Variants in IMPG1 observed in about 807,000 individuals in gnomAD.
The protein encoded by IMPG1 is interphotoreceptor matrix proteoglycan of 150 kDa.
In IMPG1, 85 loss-of-function variants were observed where a neutral mutation model predicts 92.0. That is an observed-to-expected ratio of 0.92 (90% CI 0.78 to 1.11). IMPG1 has a LOEUF of 1.11. Ranked by LOEUF, IMPG1 falls within the 50% of genes least tolerant of loss-of-function variation. The pLI, the probability that IMPG1 is intolerant of heterozygous loss-of-function variation, is 0.00. For synonymous variants in IMPG1, 367 were observed against 334.1 expected, an observed-to-expected ratio of 1.10 and a Z score of -1.08; for missense variants, 1,022 against 956.0, an observed-to-expected ratio of 1.07 and a Z score of -0.91.
At chr6:76,040,105 C>G (rs1164787532) in intron 2 of IMPG1, among the ~76,000 whole-genome samples, 2 of 152,076 alleles carry the variant, frequency 1.3e-5, no homozygotes, top group East Asian at 3.9e-4. Context: ...GAAACCCATG[C>G]TGATGAATAG....
chr6:76,049,085 A>G (rs1783992706), intron 1 of IMPG1, among the ~76,000 whole-genome samples: 1 of 152,206 alleles, frequency 6.6e-6, no homozygotes, highest in Non-Finnish European at 1.5e-5. Context: ...ATCCTTAGCA[A>G]AGCAATGCAG....
chr6:76,017,433 A>G (rs111584746), intron 7 of IMPG1, among the ~76,000 whole-genome samples: 2 of 152,224 alleles, frequency 1.3e-5, no homozygotes, highest in Non-Finnish European at 2.9e-5. Context: ...GTGTCTTTAA[A>G]TTGCATCAAA....
intron 14 of IMPG1, among the ~76,000 whole-genome samples, chr6:75,933,367 G>C (rs1204754593): frequency 6.6e-6 from 1 of 152,192 alleles, no homozygotes; most frequent in African/African-American, 2.4e-5. Flanking sequence ...TTTTACTGTT[G>C]GTACTATAGA....
intron 14 of IMPG1, among the ~76,000 whole-genome samples, chr6:75,945,696 C>A (rs1781915361): frequency 6.6e-6 from 1 of 152,148 alleles, no homozygotes; most frequent in Admixed American, 6.6e-5. Flanking sequence ...GCTGCAGTTA[C>A]CACACAAGAT....
chr6:76,019,104 T>G (rs949809854), intron 6 of IMPG1, among the ~76,000 whole-genome samples: 1 of 152,180 alleles, frequency 6.6e-6, no homozygotes, highest in African/African-American at 2.4e-5. Context: ...GTTTGAAATT[T>G]CTCTCAGAAG....
At chr6:75,988,611 A>G (rs1782764055) in intron 12 of IMPG1, among the ~76,000 whole-genome samples, 1 of 152,208 alleles carries the variant, frequency 6.6e-6, no homozygotes, top group African/African-American at 2.4e-5. Flanking sequence ...AGTGAAACTT[A>G]TAAGAAAGAT....
intron 12 of IMPG1, among the ~76,000 whole-genome samples, chr6:75,954,570 T>A (rs1782086129): frequency 6.6e-6 from 1 of 152,212 alleles, no homozygotes; most frequent in Non-Finnish European, 1.5e-5. Context: ...GGTTGCCTGT[T>A]CACTCTGATG....
Position 75,921,884 on chromosome 6 carries a change from A to G in IMPG1, c.*205T>C. On this transcript the variant is annotated 3_prime_UTR_variant, in exon 17 of 17. Transcript: ENST00000369950. ...CGCTGATTGCATTTGGGGTTTTAAT[A>G]ATAAGTAAGTGTCTTTTTCTTCAGA... 2 of 406,466 alleles carry G rather than the reference A, an allele frequency of 4.9e-6. No homozygotes were observed. Among genetic ancestry groups the G allele is most frequent in the Non-Finnish European group, 8.8e-6 (2 of 226,812 alleles). 25.2% of individuals were successfully genotyped at this position (406,466 alleles called of 1,614,324 possible).
intron 1 of IMPG1, among the ~76,000 whole-genome samples, chr6:76,064,551 C>T (rs1784274612): frequency 2.0e-5 from 3 of 151,908 alleles, no homozygotes; most frequent in South Asian, 4.2e-4. Flanking sequence ...GAGACCTCAG[C>T]ACATTTCACC....
chr6:76,026,264 G>A (rs1783532893), intron 4 of IMPG1, among the ~76,000 whole-genome samples: 1 of 152,196 alleles, frequency 6.6e-6, no homozygotes, highest in Non-Finnish European at 1.5e-5. Flanking sequence ...CAAGGACCTT[G>A]TCTTTAGCTG....
intron 1 of IMPG1, among the ~76,000 whole-genome samples, chr6:76,052,354 T>G (rs1784057657): frequency 6.6e-6 from 1 of 152,222 alleles, no homozygotes; most frequent in Admixed American, 6.5e-5. Flanking sequence ...CTGACTAGTT[T>G]CTGTGTCCTG....
chr6:76,062,855 GTTTT>G (rs34696512), intron 1 of IMPG1, among the ~76,000 whole-genome samples: 38 of 144,210 alleles, frequency 2.6e-4, no homozygotes, highest in African/African-American at 9.4e-4. Flanking sequence ...AGCAAGTTAG[GTTTT>G]TTTTTTTTTT....
intron 1 of IMPG1, among the ~76,000 whole-genome samples, chr6:76,069,447 A>G (rs571309272): frequency 1.3e-5 from 2 of 152,278 alleles, no homozygotes; most frequent in African/African-American, 4.8e-5. Context: ...ATCACACAAA[A>G]TGGAAGAAAA....
intron 15 of IMPG1, among the ~76,000 whole-genome samples, chr6:75,925,179 A>G (rs1325425735): frequency 2.0e-5 from 3 of 152,146 alleles, no homozygotes; most frequent in Admixed American, 6.5e-5. Context: ...CCCTGATTTG[A>G]TCATTGCACA....
rs1171539278 is a variant in IMPG1, at chr6:75,962,072, C to A, written c.1292-10978G>T. 2.0e-5 allele frequency among the ~76,000 whole-genome samples: 3 copies of A among 152,104 alleles called. No homozygotes were observed. In the East Asian group the frequency reaches 5.8e-4, roughly 29 times the overall value. ...TCTCAAGAGACAGGTACATTGAATGCATCTTTCACCAAGACTTCTGCAATT... is the reference window on the plus strand; with the variant it reads ...TCTCAAGAGACAGGTACATTGAATGAATCTTTCACCAAGACTTCTGCAATT... On this transcript the variant is annotated intron_variant, in intron 12 of 16. Coordinates refer to ENST00000369950, the MANE Select transcript of IMPG1 (RefSeq NM_001563.4).
chr6:76,034,942 G>T (rs1422256796), intron 2 of IMPG1, among the ~76,000 whole-genome samples, 155 bp from the exon 3 acceptor site: 1 of 152,020 alleles, frequency 6.6e-6, no homozygotes, highest in Non-Finnish European at 1.5e-5. Flanking sequence ...TATTTATTGA[G>T]TACTTACTAT....
At chr6:75,938,828 AAAC>A (rs1449954774) in intron 14 of IMPG1, among the ~76,000 whole-genome samples, 4 of 151,506 alleles carry the variant, frequency 2.6e-5, no homozygotes, top group African/African-American at 9.7e-5. Context: ...AAACAAAACA[AAAC>A]AAAACAAAAC....
At position 75,989,711 on chromosome 6, in the gene IMPG1, C is replaced by T. The variant is rs535153285; in HGVS notation, c.1291+13207G>A. On this transcript the variant is annotated intron_variant, in intron 12 of 16. Coordinates refer to ENST00000369950, the MANE Select transcript of IMPG1 (RefSeq NM_001563.4). ...TACAAAAATGAGCTGGGTGTGGTGG[C>T]GTGTGCCTGTAATCCCAGCTACTAA... Among the ~76,000 whole-genome samples the T allele has an allele frequency of 7.9e-5, 12 of 152,206 alleles. No homozygotes were observed. The South Asian group carries it at 2.3e-3, about 29-fold the overall frequency.
chr6:76,007,563 A>G (rs1284410086), intron 8 of IMPG1, 63 bp from the exon 9 acceptor site: 42 of 1,133,674 alleles, frequency 3.7e-5, no homozygotes, highest in Admixed American at 1.7e-4. Context: ...ACATTTATTG[A>G]GACATTCAAT....
Sources: gnomAD v4.1 joint callset for allele counts (sites outside exome capture counted in the v4.1 genomes callset) on GRCh38, gnomAD v4.1.1 for gene constraint, MANE v1.5 for transcripts, NCBI Gene and HGNC (gene_info 2026-07-23, HGNC 2026-07-21) for gene names.